DENND4C: variants seen among roughly 807,000 people sequenced by gnomAD.
DENND4C encodes DENN domain-containing protein 4C.
In DENND4C, 108 loss-of-function variants were observed where a neutral mutation model predicts 203.0. That is an observed-to-expected ratio of 0.53 (90% confidence interval 0.46 to 0.62). DENND4C has a LOEUF of 0.62. Ranked by LOEUF, DENND4C falls within the 20% of genes least tolerant of loss-of-function variation. The pLI, the probability that DENND4C is intolerant of heterozygous loss-of-function variation, is 0.00. For synonymous variants in DENND4C, 871 were observed against 792.4 expected (o/e 1.10, Z -1.67); for missense variants, 2,481 against 2,301.2 (o/e 1.08, Z -1.60).
At chr9:19,277,432 A>G (rs1833099580) in intron 2 of DENND4C, among the ~76,000 whole-genome samples, 2 of 152,112 alleles carry the variant, frequency 1.3e-5, no homozygotes, top group Non-Finnish European at 2.9e-5. Flanking sequence ...TTTGGATTCT[A>G]TTATAAATAG....
intron 17 of DENND4C, among the ~76,000 whole-genome samples, chr9:19,333,874 T>C (rs1005571329): frequency 5.3e-5 from 8 of 152,220 alleles, no homozygotes; most frequent in Non-Finnish European, 1.0e-4. Flanking sequence ...GAAAAGTCTT[T>C]GCTAATAATG....
intron 29 of DENND4C, among the ~76,000 whole-genome samples, chr9:19,361,508 G>A (rs186964712): frequency 6.6e-6 from 1 of 152,268 alleles, no homozygotes; most frequent in African/African-American, 2.4e-5. Flanking sequence ...ATAAACTCTA[G>A]TTTGATTAGG....
At chr9:19,363,786 G>A (rs775990422) in intron 30 of DENND4C, among the ~76,000 whole-genome samples, 2 of 152,118 alleles carry the variant, frequency 1.3e-5, no homozygotes, top group Non-Finnish European at 2.9e-5. Context: ...CGAGGCAGGT[G>A]GATCACTTGA....
intron 21 of DENND4C, among the ~76,000 whole-genome samples, chr9:19,342,415 G>A (rs1264857893): frequency 6.6e-6 from 1 of 152,188 alleles, no homozygotes; most frequent in East Asian, 1.9e-4. Context: ...TTTATGTTAG[G>A]ATTATTGAAT....
chr9:19,355,813 G>A (rs1024874893), intron 26 of DENND4C, among the ~76,000 whole-genome samples: 2 of 152,064 alleles, frequency 1.3e-5, no homozygotes, highest in African/African-American at 2.4e-5. Context: ...GAGATTTATA[G>A]ATTAATGTGA....
intron 12 of DENND4C, among the ~76,000 whole-genome samples, chr9:19,322,564 A>G (rs1309863907): frequency 6.6e-6 from 1 of 151,874 alleles, no homozygotes; most frequent in African/African-American, 2.4e-5. Context: ...GATGGAGACC[A>G]TCCTGGCTAA....
intron 30 of DENND4C, among the ~76,000 whole-genome samples, chr9:19,365,576 G>C (rs1279382245): frequency 6.6e-6 from 1 of 151,428 alleles, no homozygotes; most frequent in African/African-American, 2.4e-5. Context: ...AAACTGGAAA[G>C]GAAAAAAGTA....
chr9:19,316,324 T>C (rs969008603), intron 10 of DENND4C, 93 bp from the exon 11 acceptor site: 64 of 932,508 alleles, frequency 6.9e-5, no homozygotes, highest in Non-Finnish European at 1.0e-4. Context: ...AAACATCTTT[T>C]CCATTTTCTT....
intron 22 of DENND4C, among the ~76,000 whole-genome samples, chr9:19,345,514 T>C (rs558008981): frequency 6.6e-6 from 1 of 152,358 alleles, no homozygotes; most frequent in South Asian, 2.1e-4. Flanking sequence ...ATAGCAAATA[T>C]ACAATTCCTA....
Position 19,296,080 on chromosome 9 carries a change from C to A in DENND4C, c.874C>A (p.Leu292Met). 6.2e-7 allele frequency: 1 copy of A among 1,614,050 alleles called. No individual in the cohort carries two copies. Among genetic ancestry groups the A allele is most frequent in the Non-Finnish European group, 8.5e-7 (1 of 1,180,000 alleles). The part of the protein sequence containing the change: ...ELLSEKQLMH[L>M]GLLTPVERKM... ...TCTATCAGAGAAACAGCTTATGCAC[C>A]TGGGCTTGTTGACGCCTGTGGAGAG... Residue 292 changes from leucine to methionine, a missense_variant, in exon 6 of 33, where the codon CTG becomes ATG. This residue lies in a region of DENND4C where 2,289 missense variants were observed against 2,113.3 expected (regional missense o/e 1.08). Transcript: ENST00000434457.
At chr9:19,296,338 G>A in intron 6 of DENND4C, 92 bp downstream of exon 6, 3 of 891,614 alleles carry the variant, frequency 3.4e-6, no homozygotes, top group East Asian at 2.4e-5. Flanking sequence ...AAAGTTGGAA[G>A]GGAAGGAAGC....
At chr9:19,278,224 C>T (rs1000349651) in intron 2 of DENND4C, among the ~76,000 whole-genome samples, 1 of 152,066 alleles carries the variant, frequency 6.6e-6, no homozygotes, top group Admixed American at 6.6e-5. Flanking sequence ...CAACCTCCGC[C>T]TCCCGGGTTC....
chr9:19,265,311 T>C (rs1001463737), intron 1 of DENND4C, among the ~76,000 whole-genome samples: 1 of 152,284 alleles, frequency 6.6e-6, no homozygotes, highest in Middle Eastern at 3.4e-3. Context: ...GCCACTGTGC[T>C]CGGCCAATTT....
At chr9:19,260,371 GGTTATGTTAT>G (rs71335411) in intron 1 of DENND4C, among the ~76,000 whole-genome samples, 30 of 147,074 alleles carry the variant, frequency 2.0e-4, no homozygotes, top group African/African-American at 6.1e-4. Context: ...TATATGTTCT[GGTTATGTTAT>G]GTTATGTTAT....
chr9:19,253,935 G>T (rs1488037884), intron 1 of DENND4C, among the ~76,000 whole-genome samples: 1 of 152,018 alleles, frequency 6.6e-6, no homozygotes, highest in East Asian at 1.9e-4. Context: ...GAGCCCAGAA[G>T]TTCAGAACCA....
chr9:19,353,826 A>G (rs1323185453), intron 26 of DENND4C, among the ~76,000 whole-genome samples: 3 of 151,962 alleles, frequency 2.0e-5, no homozygotes, highest in Admixed American at 6.6e-5. Flanking sequence ...AGTCCCAGCA[A>G]CCAGGAGGCT....
intron 1 of DENND4C, among the ~76,000 whole-genome samples, chr9:19,259,568 G>A (rs960072722): frequency 4.7e-5 from 7 of 148,584 alleles, no homozygotes; most frequent in African/African-American, 9.9e-5. Flanking sequence ...GCAGTGGCGC[G>A]ATCTTGGCTC....
At chr9:19,256,268 TA>T (rs1205168114) in intron 1 of DENND4C, among the ~76,000 whole-genome samples, 2 of 151,242 alleles carry the variant, frequency 1.3e-5, no homozygotes, top group Non-Finnish European at 2.9e-5. Flanking sequence ...ACTTTATTTT[TA>T]AAAAAATTTT....
intron 1 of DENND4C, among the ~76,000 whole-genome samples, chr9:19,262,807 G>A (rs1393654409): frequency 6.6e-6 from 1 of 152,040 alleles, no homozygotes; most frequent in African/African-American, 2.4e-5. Flanking sequence ...GACCTCAAGT[G>A]ATCCACCTGC....
Sources: allele counts gnomAD v4.1 joint callset (sites outside exome capture counted in the v4.1 genomes callset), GRCh38; gene constraint gnomAD v4.1.1; regional missense constraint gnomAD v4.1.1; transcripts MANE v1.5; gene names NCBI Gene and HGNC (gene_info 2026-07-23, HGNC 2026-07-21).